Variants in OXSR1 observed in about 807,000 individuals in gnomAD.
OXSR1 encodes the protein serine/threonine-protein kinase OSR1.
In OXSR1, 24 loss-of-function variants were observed where a neutral mutation model predicts 79.8. The observed-to-expected ratio is 0.30, with a 90% CI of 0.22 to 0.42. The LOEUF (loss-of-function observed/expected upper bound fraction) is 0.42. Ranked by LOEUF, OXSR1 falls within the 10% of genes least tolerant of loss-of-function variation. OXSR1 has a pLI of 1.00. For synonymous variants in OXSR1, 226 were observed against 209.2 expected (o/e 1.08, Z -0.69); for missense variants, 430 against 618.4 (o/e 0.70, Z 3.23).
chr3:38,236,962 G>A lies in OXSR1; in HGVS notation c.1074+1G>A. The A allele has an allele frequency of 6.2e-7, 1 of 1,610,158 alleles. No individual in the cohort carries two copies. The highest frequency in any genetic ancestry group is 8.5e-7 in the Non-Finnish European group (1 of 1,177,668). On this transcript the variant is annotated splice_donor_variant, in intron 11 of 17. Coordinates refer to ENST00000311806, the MANE Select transcript of OXSR1 (RefSeq NM_005109.3). LOFTEE classifies it high-confidence loss of function. The stretch of plus-strand genomic sequence containing the variant: ...GAAAGCAGCAATTTCACAACTCAGG[G>A]TAAATTTTATTAAACTGTGTACTTT...
intron 4 of OXSR1, among the ~76,000 whole-genome samples, chr3:38,200,747 A>C (rs1388249683): frequency 6.6e-6 from 1 of 152,240 alleles, no homozygotes; most frequent in African/African-American, 2.4e-5. Context: ...TATTGCTTTT[A>C]ACATTGTGAT....
chr3:38,173,637 G>A (rs1158594414), intron 1 of OXSR1, among the ~76,000 whole-genome samples: 1 of 152,248 alleles, frequency 6.6e-6, no homozygotes, highest in East Asian at 1.9e-4. Flanking sequence ...TGGTAACGAT[G>A]AAATAACACC....
At chr3:38,214,796 T>G (rs1276317993) in intron 4 of OXSR1, among the ~76,000 whole-genome samples, 1 of 152,236 alleles carries the variant, frequency 6.6e-6, no homozygotes, top group Non-Finnish European at 1.5e-5. Context: ...TACTGTAGTA[T>G]GATGCTGCTT....
At chr3:38,209,613 C>T (rs912419111) in intron 4 of OXSR1, among the ~76,000 whole-genome samples, 8 of 151,048 alleles carry the variant, frequency 5.3e-5, no homozygotes, top group Non-Finnish European at 8.8e-5. Context: ...TTCGTTTCCT[C>T]TCTTAGGATA....
At position 38,217,225 on chromosome 3, in the gene OXSR1, C is replaced by T. The variant is rs576752699; in HGVS notation, c.490+1074C>T. ...AAAGTAAAATCACATTGTGATAACACGTTAAATTGATTGGCCTGGCAAAAA... is the reference window on the plus strand; with the variant it reads ...AAAGTAAAATCACATTGTGATAACATGTTAAATTGATTGGCCTGGCAAAAA... On this transcript the variant is annotated intron_variant, in intron 5 of 17. Coordinates refer to ENST00000311806, the MANE Select transcript of OXSR1 (RefSeq NM_005109.3). Among the ~76,000 whole-genome samples the T allele has an allele frequency of 9.2e-5, 14 of 152,224 alleles. No individual in the cohort carries two copies. The South Asian group carries it at 1.2e-3, about 14-fold the overall frequency.
rs1575381200 is a variant in OXSR1 at position 38,252,932 on chromosome 3, A to G, written c.*41A>G. 16 of 1,487,100 alleles carry G rather than the reference A, an allele frequency of 1.1e-5. No homozygotes were observed. Among genetic ancestry groups the G allele is most frequent in the African/African-American group, 1.4e-5 (1 of 72,406 alleles). The allele number at this position is 1,487,100 out of a possible 1,614,324, so 92.1% of individuals were successfully genotyped here. On this transcript the variant is annotated 3_prime_UTR_variant, in exon 18 of 18. Transcript: ENST00000311806. Reference sequence around the variant, plus strand: ...GAGGCGGCCTAAGGAGATTCCACACATGCGTATCTCTGTTGCTTCTATTGG... The same window carrying G: ...GAGGCGGCCTAAGGAGATTCCACACGTGCGTATCTCTGTTGCTTCTATTGG...
intron 1 of OXSR1, among the ~76,000 whole-genome samples, chr3:38,178,229 G>A (rs926937887): frequency 4.6e-5 from 7 of 152,126 alleles, no homozygotes; most frequent in Non-Finnish European, 1.0e-4. Flanking sequence ...GGGATTACAG[G>A]TGTGAGCCAC....
rs116387984 is a variant in OXSR1, at chr3:38,202,881, T to C, written c.434+4018T>C. On this transcript the variant is annotated intron_variant, in intron 4 of 17. Coordinates refer to ENST00000311806, the MANE Select transcript of OXSR1 (RefSeq NM_005109.3). Reference sequence around the variant, plus strand: ...CTTGGTAAGCGGTAATGTCAGTGTCTGGGAAGACACCCATTACTTAGCAGA... The same window carrying C: ...CTTGGTAAGCGGTAATGTCAGTGTCCGGGAAGACACCCATTACTTAGCAGA... Among the ~76,000 whole-genome samples, 956 of 152,310 alleles carry C rather than the reference T, an allele frequency of 6.3e-3. 7 individuals carry two copies. Among genetic ancestry groups the C allele is most frequent in the Non-Finnish European group, 7.2e-3 (492 of 68,028 alleles).
intron 8 of OXSR1, 164 bp downstream of exon 8, chr3:38,224,868 T>C: frequency 1.9e-6 from 1 of 518,788 alleles, no homozygotes. Context: ...AATTGATTTC[T>C]GCCTTCTTTG....
At chr3:38,192,425 T>C (rs1186051430) in intron 3 of OXSR1, among the ~76,000 whole-genome samples, 1 of 152,214 alleles carries the variant, frequency 6.6e-6, no homozygotes, top group Admixed American at 6.5e-5. Flanking sequence ...CTTGGAGTGC[T>C]CATTACTACT....
intron 13 of OXSR1, 64 bp downstream of exon 13, chr3:38,246,285 G>T: frequency 6.7e-7 from 1 of 1,491,946 alleles, no homozygotes; most frequent in African/African-American, 1.4e-5. Context: ...AGATATTAAC[G>T]TGGAATATAA....
Position 38,215,666 on chromosome 3 carries a change from A to T in OXSR1, c.435-430A>T, listed in dbSNP as rs28677807. Among the ~76,000 whole-genome samples, 1,000 of 152,316 alleles carry T rather than the reference A, an allele frequency of 6.6e-3. 10 individuals carry two copies. The highest frequency in any genetic ancestry group is 0.023 in the African/African-American group (963 of 41,574). ...TATTTTTCTATATTACGTGTTATAA[A>T]TAGTTAAAACTATAGAGATGCCTGA... On this transcript the variant is annotated intron_variant, in intron 4 of 17. Transcript: ENST00000311806.
intron 10 of OXSR1, among the ~76,000 whole-genome samples, chr3:38,233,948 G>A (rs570251907): frequency 1.3e-5 from 2 of 152,082 alleles, no homozygotes; most frequent in Admixed American, 1.3e-4. Context: ...TTCACAAAAA[G>A]TGAACATGAC....
At chr3:38,192,715 TA>T (rs947488475) in intron 3 of OXSR1, among the ~76,000 whole-genome samples, 1 of 152,246 alleles carries the variant, frequency 6.6e-6, no homozygotes, top group African/African-American at 2.4e-5. Context: ...TTGTTTTGGT[TA>T]CCCAAAAGCT....
At chr3:38,195,288 C>T (rs1047178286) in intron 3 of OXSR1, among the ~76,000 whole-genome samples, 3 of 152,168 alleles carry the variant, frequency 2.0e-5, no homozygotes, top group Non-Finnish European at 2.9e-5. Context: ...AATTCACTGT[C>T]TTAGATGGTT....
chr3:38,192,973 C>T (rs1409778348), intron 3 of OXSR1, among the ~76,000 whole-genome samples: 2 of 152,180 alleles, frequency 1.3e-5, no homozygotes, highest in South Asian at 2.1e-4. Context: ...CACCATACTT[C>T]CCCAGAGAGA....
intron 13 of OXSR1, among the ~76,000 whole-genome samples, chr3:38,246,901 T>C (rs1049282851): frequency 1.3e-5 from 2 of 152,142 alleles, no homozygotes; most frequent in African/African-American, 4.8e-5. Context: ...TATTAAATAT[T>C]AGAAGTTCCA....
intron 1 of OXSR1, among the ~76,000 whole-genome samples, chr3:38,177,977 C>T (rs944005064): frequency 4.6e-5 from 7 of 152,124 alleles, no homozygotes; most frequent in African/African-American, 1.4e-4. Context: ...GAGACAGAGC[C>T]TTGTTCTGTT....
chr3:38,164,737 C>G (rs968841700), upstream of OXSR1, among the ~76,000 whole-genome samples: 1 of 152,260 alleles, frequency 6.6e-6, no homozygotes, highest in African/African-American at 2.4e-5. Context: ...GACAACCTCC[C>G]GAGTCCCTCA....
Sources: gnomAD v4.1 joint callset for allele counts (sites outside exome capture counted in the v4.1 genomes callset) on GRCh38, gnomAD v4.1.1 for gene constraint, MANE v1.5 for transcripts, NCBI Gene and HGNC (gene_info 2026-07-23, HGNC 2026-07-21) for gene names.